The following TENM3 variants were observed in gnomAD, a reference collection of about 807,000 sequenced individuals.
TENM3 encodes the protein teneurin transmembrane protein 3, also known as teneurin-3.
TENM3 carries 63 observed loss-of-function variants against 255.1 expected under a neutral mutation model. That is an observed-to-expected ratio of 0.25 (90% confidence interval 0.20 to 0.30). TENM3 has a LOEUF of 0.30. TENM3 is among the 10% of genes least tolerant of loss of function. The pLI is 1.00. For synonymous variants in TENM3, 1,306 were observed against 1,322.3 expected, an observed-to-expected ratio of 0.99 and a Z score of 0.27; for missense variants, 2,929 against 3,461.1, an observed-to-expected ratio of 0.85 and a Z score of 3.86.
the TENM3 span, among the ~76,000 whole-genome samples, chr4:181,768,075 G>T: frequency 1.3e-5 from 2 of 152,168 alleles, no homozygotes; most frequent in African/African-American, 4.8e-5. Context: ...GTAGACATGC[G>T]GATGTGAATA....
At chr4:182,727,912 G>A (rs1174810631) in intron 13 of TENM3, among the ~76,000 whole-genome samples, 1 of 149,124 alleles carries the variant, frequency 6.7e-6, no homozygotes, top group African/African-American at 2.5e-5. Flanking sequence ...CCAGGCTGGA[G>A]TGCAGTGGTA....
chr4:182,559,005 A>C (rs1273521875), intron 3 of TENM3, among the ~76,000 whole-genome samples: 13 of 152,168 alleles, frequency 8.5e-5, no homozygotes. Flanking sequence ...TTCCATTGGC[A>C]TCATAATTTT....
At chr4:182,023,308 G>A in the TENM3 span, among the ~76,000 whole-genome samples, 1 of 152,102 alleles carries the variant, frequency 6.6e-6, no homozygotes, top group African/African-American at 2.4e-5. Context: ...GGGAGTTTGG[G>A]TTGCTGCTAT....
the TENM3 span, among the ~76,000 whole-genome samples, chr4:181,608,956 G>A: frequency 6.6e-6 from 1 of 152,148 alleles, no homozygotes; most frequent in Non-Finnish European, 1.5e-5. Flanking sequence ...TTCCAAAGAC[G>A]AAAATCACAC....
At chr4:181,543,238 G>A in the TENM3 span, among the ~76,000 whole-genome samples, 1 of 152,120 alleles carries the variant, frequency 6.6e-6, no homozygotes, top group Non-Finnish European at 1.5e-5. Flanking sequence ...CCGGGCCTTC[G>A]TCCAGCTTGA....
At chr4:181,988,941 G>A in the TENM3 span, among the ~76,000 whole-genome samples, 1 of 152,056 alleles carries the variant, frequency 6.6e-6, no homozygotes, top group Admixed American at 6.6e-5. Context: ...GGTGTTCCTT[G>A]TCCATTGCCC....
chr4:182,387,937 C>CAA (rs5864781), intron 3 of TENM3, among the ~76,000 whole-genome samples: 5 of 136,738 alleles, frequency 3.7e-5, no homozygotes, highest in African/African-American at 1.4e-4. Flanking sequence ...GTGATAATTG[C>CAA]AAAAAAAAAA....
intron 1 of TENM3, among the ~76,000 whole-genome samples, chr4:182,186,762 C>CGTATATAT (rs1491277798): frequency 3.6e-5 from 1 of 27,498 alleles, no homozygotes; most frequent in Non-Finnish European, 7.4e-5. Flanking sequence ...ACTAATGCAT[C>CGTATATAT]ATATATATAT....
chr4:182,252,357 A>T (rs1758076174), intron 1 of TENM3, among the ~76,000 whole-genome samples: 1 of 152,194 alleles, frequency 6.6e-6, no homozygotes, highest in South Asian at 2.1e-4. Flanking sequence ...CATCAGTTGT[A>T]TGCTGCTGTG....
intron 6 of TENM3, among the ~76,000 whole-genome samples, chr4:182,669,565 C>T (rs1017088301): frequency 4.6e-5 from 7 of 152,046 alleles, no homozygotes; most frequent in Non-Finnish European, 8.8e-5. Flanking sequence ...CCACCACACC[C>T]GGCCTTCCAT....
chr4:182,109,709 T>G, the TENM3 span, among the ~76,000 whole-genome samples: 3 of 152,232 alleles, frequency 2.0e-5, no homozygotes, highest in Non-Finnish European at 4.4e-5. Context: ...TTTCTCCCAT[T>G]GTCCTCCGGA....
the TENM3 span, among the ~76,000 whole-genome samples, chr4:181,602,071 T>C: frequency 1.3e-5 from 2 of 152,268 alleles, no homozygotes; most frequent in African/African-American, 4.8e-5. Flanking sequence ...AGGTCTCCAG[T>C]GGACAAATCT....
the TENM3 span, among the ~76,000 whole-genome samples, chr4:181,868,733 C>G: frequency 6.6e-6 from 1 of 152,148 alleles, no homozygotes; most frequent in African/African-American, 2.4e-5. Context: ...CTCAAAGCAA[C>G]CAAGAAGAGA....
intron 3 of TENM3, among the ~76,000 whole-genome samples, chr4:182,450,047 C>G (rs1773319430): frequency 6.6e-6 from 1 of 152,196 alleles, no homozygotes; most frequent in Non-Finnish European, 1.5e-5. Context: ...CAAAGTCATT[C>G]TGTCTTCTGA....
At chr4:182,785,620 A>T (rs1384963089) in intron 24 of TENM3, among the ~76,000 whole-genome samples, 1 of 149,492 alleles carries the variant, frequency 6.7e-6, no homozygotes, top group East Asian at 2.0e-4. Flanking sequence ...AGGTGGGAGG[A>T]TCACTTGAGC....
the TENM3 span, among the ~76,000 whole-genome samples, chr4:181,578,967 G>T: frequency 1.4e-4 from 21 of 152,206 alleles, no homozygotes; most frequent in African/African-American, 5.1e-4. Flanking sequence ...CATGCAAACC[G>T]CTGGAAAAGC....
At chr4:181,477,250 T>C in the TENM3 span, among the ~76,000 whole-genome samples, 2 of 152,162 alleles carry the variant, frequency 1.3e-5, no homozygotes, top group African/African-American at 4.8e-5. Flanking sequence ...GAACTTGAGA[T>C]GAGAAGAAGG....
At chr4:181,845,382 T>C in the TENM3 span, among the ~76,000 whole-genome samples, 1 of 152,240 alleles carries the variant, frequency 6.6e-6, no homozygotes, top group Admixed American at 6.5e-5. Flanking sequence ...ACTTAATTTT[T>C]CACATTTACT....
At chr4:182,293,229 C>T (rs1480272004) in intron 1 of TENM3, among the ~76,000 whole-genome samples, 2 of 152,148 alleles carry the variant, frequency 1.3e-5, no homozygotes, top group Non-Finnish European at 2.9e-5. Flanking sequence ...GTCTGCTGCC[C>T]ATCTTCCTCC....
Sources: gnomAD v4.1 joint callset for allele counts (sites outside exome capture counted in the v4.1 genomes callset) on GRCh38, gnomAD v4.1.1 for gene constraint, MANE v1.5 for transcripts, NCBI Gene and HGNC (gene_info 2026-07-23, HGNC 2026-07-21) for gene names.